KIAA1328: variants seen among roughly 807,000 people sequenced by gnomAD.
KIAA1328 encodes KIAA1328.
In KIAA1328, 52 loss-of-function variants were observed where a neutral mutation model predicts 68.1. The ratio of observed to expected loss-of-function variants is 0.76; its 90% CI spans 0.61 to 0.96. The LOEUF is 0.96. Ranked by LOEUF, KIAA1328 falls within the 40% of genes least tolerant of loss-of-function variation. The probability of loss-of-function intolerance (pLI) is 0.00; values close to 1 mark genes in which losing one functional copy is unlikely to be tolerated. For synonymous variants in KIAA1328, 232 were observed against 239.4 expected, an observed-to-expected ratio of 0.97 and a Z score of 0.28; for missense variants, 641 against 677.6, an observed-to-expected ratio of 0.95 and a Z score of 0.60.
At chr18:36,843,458 C>G (rs569782242) in intron 3 of KIAA1328, among the ~76,000 whole-genome samples, 1 of 152,122 alleles carries the variant, frequency 6.6e-6, no homozygotes, top group Non-Finnish European at 1.5e-5. Context: ...TCGTGACTCC[C>G]TGAGTTTATG....
chr18:37,152,852 G>C (rs1599442455), intron 7 of KIAA1328, among the ~76,000 whole-genome samples: 2 of 152,100 alleles, frequency 1.3e-5, no homozygotes, highest in African/African-American at 4.8e-5. Flanking sequence ...TTCCAACAAA[G>C]AGCAGCCTGA....
At chr18:36,900,354 TA>T (rs1367364736) in intron 5 of KIAA1328, among the ~76,000 whole-genome samples, 1 of 151,992 alleles carries the variant, frequency 6.6e-6, no homozygotes, top group African/African-American at 2.4e-5. Context: ...GTAATGCCCC[TA>T]GATTTTGTCT....
chr18:36,949,522 A>G (rs758466730), intron 5 of KIAA1328, among the ~76,000 whole-genome samples: 1 of 151,602 alleles, frequency 6.6e-6, no homozygotes, highest in Non-Finnish European at 1.5e-5. Context: ...TAGTTTCTAA[A>G]ATCCATAGGG....
intron 6 of KIAA1328, among the ~76,000 whole-genome samples, chr18:37,041,977 G>C (rs1282568406): frequency 6.6e-6 from 1 of 151,992 alleles, no homozygotes; most frequent in African/African-American, 2.4e-5. Context: ...AACTTCCCAG[G>C]GTCAGGTGAT....
At chr18:37,227,464 A>T (rs1045788071), downstream of KIAA1328, among the ~76,000 whole-genome samples, 2 of 152,224 alleles carry the variant, frequency 1.3e-5, no homozygotes, top group Non-Finnish European at 1.5e-5. Context: ...TTAGGGGCTA[A>T]TGTAGTTAGT....
intron 5 of KIAA1328, among the ~76,000 whole-genome samples, chr18:36,896,653 A>C (rs529919480): frequency 4.2e-4 from 64 of 152,160 alleles, no homozygotes; most frequent in Non-Finnish European, 8.8e-5. Flanking sequence ...GTTCTGGATA[A>C]ATGGTACTAA....
At chr18:37,012,801 T>C (rs1335456564) in intron 6 of KIAA1328, among the ~76,000 whole-genome samples, 1 of 152,232 alleles carries the variant, frequency 6.6e-6, no homozygotes, top group Non-Finnish European at 1.5e-5. Context: ...ATAATCTATA[T>C]TGCAGTTTTT....
At chr18:37,178,906 C>T (rs1256840237) in intron 9 of KIAA1328, among the ~76,000 whole-genome samples, 4 of 152,034 alleles carry the variant, frequency 2.6e-5, no homozygotes, top group African/African-American at 9.7e-5. Flanking sequence ...AGGTCTTTAA[C>T]CTATTTTTTT....
intron 6 of KIAA1328, among the ~76,000 whole-genome samples, chr18:37,002,322 C>T (rs2053621039): frequency 6.7e-6 from 1 of 148,560 alleles, no homozygotes; most frequent in Admixed American, 6.8e-5. Context: ...GATCCTCCCA[C>T]CTCAGCCTCC....
intron 6 of KIAA1328, among the ~76,000 whole-genome samples, chr18:37,001,970 C>G (rs953951505): frequency 1.3e-5 from 2 of 152,008 alleles, no homozygotes; most frequent in Non-Finnish European, 2.9e-5. Context: ...ACTTGCAGCA[C>G]TTTTATTCAA....
chr18:37,222,333 C>T lies in KIAA1328; in HGVS notation c.*106C>T. On this transcript the variant is annotated 3_prime_UTR_variant, in exon 10 of 10. Transcript: ENST00000280020. Reference sequence around the variant, plus strand: ...AATTGTGTCTCTCCTTTCACGGGGACTTGTCTCACTAGCATCCTGTTACGT... The same window carrying T: ...AATTGTGTCTCTCCTTTCACGGGGATTTGTCTCACTAGCATCCTGTTACGT... 3 of 1,496,248 alleles carry T rather than the reference C, an allele frequency of 2.0e-6. No homozygotes were observed. The highest frequency in any genetic ancestry group is 2.7e-6 in the Non-Finnish European group (3 of 1,125,902). The allele number at this position is 1,496,248 out of a possible 1,614,324, so 92.7% of individuals were successfully genotyped here.
chr18:36,840,930 G>T (rs967946898), intron 3 of KIAA1328, among the ~76,000 whole-genome samples: 1 of 152,152 alleles, frequency 6.6e-6, no homozygotes, highest in African/African-American at 2.4e-5. Context: ...ATAAAGAGTA[G>T]AATGAGCAGG....
intron 5 of KIAA1328, among the ~76,000 whole-genome samples, chr18:36,913,372 T>G (rs954918269): frequency 6.6e-6 from 1 of 151,260 alleles, no homozygotes; most frequent in Non-Finnish European, 1.5e-5. Flanking sequence ...AAAAAAAAAT[T>G]TTTTAAGAAC....
chr18:36,835,176 G>C (rs1026325323), intron 2 of KIAA1328, 58 bp from the exon 3 acceptor site: 4 of 1,478,470 alleles, frequency 2.7e-6, no homozygotes, highest in Non-Finnish European at 3.7e-6. Flanking sequence ...GAGTTGATGG[G>C]GGAGGGTTTA....
intron 5 of KIAA1328, among the ~76,000 whole-genome samples, chr18:36,901,425 G>T (rs1279364138): frequency 2.0e-5 from 3 of 152,012 alleles, no homozygotes; most frequent in Non-Finnish European, 2.9e-5. Flanking sequence ...TGCACTATTA[G>T]CTTTTGTTTC....
At chr18:37,176,308 CAAT>C (rs1020273147) in intron 9 of KIAA1328, among the ~76,000 whole-genome samples, 1 of 152,114 alleles carries the variant, frequency 6.6e-6, no homozygotes, top group African/African-American at 2.4e-5. Flanking sequence ...TTTTAAGGTT[CAAT>C]AATACTGACC....
chr18:36,850,451 A>G (rs1223552726), intron 4 of KIAA1328, among the ~76,000 whole-genome samples: 2 of 152,116 alleles, frequency 1.3e-5, no homozygotes, highest in African/African-American at 4.8e-5. Flanking sequence ...ATATGTTCCA[A>G]GACCTTCAGT....
chr18:36,829,194 A>G lies in KIAA1328; in HGVS notation c.56A>G (p.Asp19Gly). The G allele has an allele frequency of 6.6e-7, 1 of 1,526,486 alleles. No homozygotes were observed. Among genetic ancestry groups the G allele is most frequent in the South Asian group, 1.2e-5 (1 of 81,994 alleles). 94.6% of individuals were successfully genotyped at this position (1,526,486 alleles called of 1,614,324 possible). ...AGTGCCGCGGCGTTCTGGAGCCGGG[A>G]CTGTATCCTTTGCCCGCCTGACAGG... ...RPSAAAFWSR[D>G]FSDEEQSVVY... Residue 19 changes from aspartate (D) to glycine (G), a missense_variant and splice_region_variant, in exon 1 of 10, where the codon GAC (aspartate) becomes GGC (glycine). Transcript: ENST00000280020.
chr18:37,014,857 T>TA (rs1443345095), intron 6 of KIAA1328, among the ~76,000 whole-genome samples: 3 of 152,200 alleles, frequency 2.0e-5, no homozygotes, highest in African/African-American at 7.2e-5. Flanking sequence ...ATCAGATTCT[T>TA]ACAGTTTGAG....
Sources: gnomAD v4.1 joint callset for allele counts (sites outside exome capture counted in the v4.1 genomes callset) on GRCh38, gnomAD v4.1.1 for gene constraint, MANE v1.5 for transcripts, NCBI Gene and HGNC (gene_info 2026-07-23, HGNC 2026-07-21) for gene names.